Variants in ZFYVE9 observed in about 807,000 individuals in gnomAD.
ZFYVE9 encodes the protein zinc finger FYVE-type containing 9.
A neutral mutation model predicts 126.7 loss-of-function variants in ZFYVE9; 43 were observed. That is an observed-to-expected ratio of 0.34 (90% confidence interval 0.27 to 0.44). The LOEUF (loss-of-function observed/expected upper bound fraction) is 0.44. ZFYVE9 is among the 20% of genes least tolerant of loss of function. The pLI is 1.00. For missense variants in ZFYVE9, 1,476 were observed against 1,697.0 expected (o/e 0.87, Z 2.29); for synonymous variants, 521 against 597.4 (o/e 0.87, Z 1.87).
chr1:52,231,046 A>G (rs985484614), intron 2 of ZFYVE9, among the ~76,000 whole-genome samples: 1 of 152,180 alleles, frequency 6.6e-6, no homozygotes, highest in Admixed American at 6.5e-5. Context: ...AATGACCATA[A>G]AATGCTGTTA....
intron 14 of ZFYVE9, among the ~76,000 whole-genome samples, chr1:52,333,195 T>A (rs1340081662): frequency 2.0e-5 from 3 of 151,754 alleles, no homozygotes; most frequent in Admixed American, 6.6e-5. Flanking sequence ...AATGACGAGT[T>A]GATGGGTGCA....
intron 1 of ZFYVE9, chr1:52,160,428 C>T: frequency 1.0e-6 from 1 of 962,880 alleles, no homozygotes; most frequent in Non-Finnish European, 1.7e-6. Context: ...TTCCATCCTC[C>T]AAAGGCAGTG....
intron 1 of ZFYVE9, among the ~76,000 whole-genome samples, chr1:52,196,074 G>A (rs962757719): frequency 6.6e-6 from 1 of 152,110 alleles, no homozygotes; most frequent in Non-Finnish European, 1.5e-5. Context: ...TTACAGGCGT[G>A]AGCCACCGTG....
chr1:52,322,798 C>A (rs1646253805), intron 13 of ZFYVE9, among the ~76,000 whole-genome samples: 1 of 151,770 alleles, frequency 6.6e-6, no homozygotes, highest in African/African-American at 2.4e-5. Context: ...CTCATTATCT[C>A]TGTGATCTCT....
chr1:52,267,480 T>C (rs2147801601), intron 6 of ZFYVE9, among the ~76,000 whole-genome samples: 1 of 152,304 alleles, frequency 6.6e-6, no homozygotes. Context: ...AAAAATAACA[T>C]TTATTTCCTT....
At chr1:52,172,787 A>G (rs958254202) in intron 1 of ZFYVE9, among the ~76,000 whole-genome samples, 22 of 151,096 alleles carry the variant, frequency 1.5e-4, no homozygotes, top group Non-Finnish European at 2.5e-4. Flanking sequence ...TTCACTCATG[A>G]TTTGGCTCTC....
chr1:52,162,480 C>G (rs1042868039), intron 1 of ZFYVE9: 5 of 251,112 alleles, frequency 2.0e-5, no homozygotes, highest in Non-Finnish European at 4.1e-5. Context: ...CAGCTCCTTT[C>G]TGTTTGCCCT....
chr1:52,254,809 A>G (rs1010806342), intron 4 of ZFYVE9, among the ~76,000 whole-genome samples: 2 of 152,164 alleles, frequency 1.3e-5, no homozygotes, highest in South Asian at 2.1e-4. Flanking sequence ...TCTACTAAAA[A>G]TTAAAAAATG....
chr1:52,166,835 A>T (rs918660073), intron 1 of ZFYVE9, among the ~76,000 whole-genome samples: 7 of 152,180 alleles, frequency 4.6e-5, no homozygotes, highest in African/African-American at 1.7e-4. Context: ...TGGGGAGGTC[A>T]AGGCTGCAGT....
intron 1 of ZFYVE9, among the ~76,000 whole-genome samples, chr1:52,205,067 ATTTTTTTTTTTTT>A (rs891218048): frequency 8.5e-6 from 1 of 117,788 alleles, no homozygotes; most frequent in Non-Finnish European, 1.7e-5. Flanking sequence ...TGTGCTGTGA[ATTTTTTTTTTTTT>A]TTTTTTTTTT....
At chr1:52,343,063 C>T (rs747920098) in intron 17 of ZFYVE9, among the ~76,000 whole-genome samples, 100 of 152,012 alleles carry the variant, frequency 6.6e-4, no homozygotes, top group African/African-American at 1.8e-3. Context: ...CCTGCCACCA[C>T]GCCCGGCTAA....
intron 8 of ZFYVE9, 65 bp downstream of exon 8, chr1:52,274,649 TAGAG>T: frequency 6.8e-7 from 1 of 1,460,524 alleles, no homozygotes; most frequent in Non-Finnish European, 9.2e-7. Flanking sequence ...CTAATTAAGG[TAGAG>T]AGACAGAATT....
chr1:52,149,159 T>G (rs1644331783), intron 1 of ZFYVE9, among the ~76,000 whole-genome samples: 1 of 151,682 alleles, frequency 6.6e-6, no homozygotes, highest in Non-Finnish European at 1.5e-5. Context: ...AGATGGGGTT[T>G]TGCCGTGTTG....
At chr1:52,340,736 C>T (rs186447973) in intron 17 of ZFYVE9, among the ~76,000 whole-genome samples, 7 of 151,826 alleles carry the variant, frequency 4.6e-5, no homozygotes, top group Non-Finnish European at 1.0e-4. Context: ...CCCATACCCA[C>T]TAAAAATACA....
intron 1 of ZFYVE9, among the ~76,000 whole-genome samples, chr1:52,212,280 G>A (rs1034843259): frequency 4.6e-5 from 7 of 152,138 alleles, no homozygotes; most frequent in African/African-American, 1.7e-4. Context: ...AAATAGCTGG[G>A]ACTACAGGCA....
intron 1 of ZFYVE9, among the ~76,000 whole-genome samples, chr1:52,209,106 C>G (rs925367602): frequency 2.6e-5 from 4 of 152,142 alleles, no homozygotes; most frequent in Non-Finnish European, 4.4e-5. Context: ...AAGGGAGAGA[C>G]AGTTTTAGAA....
At chr1:52,164,475 A>G (rs1644493563) in intron 1 of ZFYVE9, among the ~76,000 whole-genome samples, 1 of 152,052 alleles carries the variant, frequency 6.6e-6, no homozygotes, top group South Asian at 2.1e-4. Context: ...CGGACTCCCA[A>G]AGTGTTGGGA....
chr1:52,292,506 C>CT (rs1335646176), intron 10 of ZFYVE9, among the ~76,000 whole-genome samples: 1 of 132,114 alleles, frequency 7.6e-6, no homozygotes, highest in Non-Finnish European at 1.5e-5. Flanking sequence ...CAGTGTCACT[C>CT]TATCGCCTAG....
intron 1 of ZFYVE9, among the ~76,000 whole-genome samples, chr1:52,188,608 T>C (rs536336388): frequency 1.3e-5 from 2 of 152,282 alleles, no homozygotes; most frequent in South Asian, 4.1e-4. Flanking sequence ...AAAAATAGTT[T>C]TGTAGCCTAT....
Sources: gnomAD v4.1 joint callset for allele counts (sites outside exome capture counted in the v4.1 genomes callset) on GRCh38, gnomAD v4.1.1 for gene constraint, MANE v1.5 for transcripts, NCBI Gene and HGNC (gene_info 2026-07-23, HGNC 2026-07-21) for gene names.